The following PCDHGA7 variants were observed in gnomAD, a reference collection of about 807,000 sequenced individuals.
PCDHGA7 encodes protocadherin gamma-A7.
In PCDHGA7, 44 loss-of-function variants were observed where a neutral mutation model predicts 58.3. The ratio of observed to expected loss-of-function variants is 0.75; its 90% CI spans 0.59 to 0.97. The LOEUF (loss-of-function observed/expected upper bound fraction) is 0.97, where lower values mean the gene tolerates loss of function less well. Ranked by LOEUF, PCDHGA7 falls within the 50% of genes least tolerant of loss-of-function variation. PCDHGA7 has a pLI of 0.00. For synonymous variants in PCDHGA7, 516 were observed against 504.2 expected (o/e 1.02, Z -0.31); for missense variants, 1,266 against 1,188.7 (o/e 1.06, Z -0.96).
chr5:141,394,674 C>G lies in PCDHGA7; in HGVS notation c.2424+9351C>G. ...CGAGCCGGGACTCTTCTCGGTGGGT[C>G]TGCACACGGGCGAGGTGCGCACGGC... On this transcript the variant is annotated intron_variant, in intron 1 of 3. Transcript: ENST00000518325. 1 of 1,612,758 alleles carries G rather than the reference C, an allele frequency of 6.2e-7. No individual in the cohort carries two copies. The highest frequency in any genetic ancestry group is 8.5e-7 in the Non-Finnish European group (1 of 1,179,752).
At chr5:141,505,604 G>T (rs772730114) in intron 3 of PCDHGA7, 123 bp downstream of exon 3, 1 of 1,535,418 alleles carries the variant, frequency 6.5e-7, no homozygotes, top group Non-Finnish European at 8.8e-7. Flanking sequence ...CTTTCGGCAG[G>T]TCTGAAAGGA....
chr5:141,444,893 G>T (rs1238224263), intron 1 of PCDHGA7, among the ~76,000 whole-genome samples: 1 of 152,160 alleles, frequency 6.6e-6, no homozygotes, highest in Admixed American at 6.5e-5. Flanking sequence ...TTTTGAATGG[G>T]ATGGCATTGC....
At position 141,487,425 on chromosome 5, in the gene PCDHGA7, G is replaced by A. The variant is rs116499036; in HGVS notation, c.2425-7382G>A. ...CTTCCCCCTTCCAATGGGATCCTCCGAATCCAGCTAGGGTCAGATGACCCT... is the reference window on the plus strand; with the variant it reads ...CTTCCCCCTTCCAATGGGATCCTCCAAATCCAGCTAGGGTCAGATGACCCT... On this transcript the variant is annotated intron_variant, in intron 1 of 3. Coordinates refer to ENST00000518325, the MANE Select transcript of PCDHGA7 (RefSeq NM_018920.4). This position sits in a 1 kb window ranked among gnomAD's most constrained non-coding sequence, Gnocchi z 5.0. The A allele has an allele frequency of 1.1e-5, 17 of 1,613,988 alleles. No individual in the cohort carries two copies. The highest frequency in any genetic ancestry group is 1.6e-4 in the Middle Eastern group (1 of 6,084).
At chr5:141,484,878 G>C (rs2099602522) in intron 1 of PCDHGA7, 1 of 341,888 alleles carries the variant, frequency 2.9e-6, no homozygotes, top group Non-Finnish European at 5.3e-6. Flanking sequence ...TGGAGGATAG[G>C]GTGGGCTTTT....
At chr5:141,447,370 C>A (rs2098536615) in intron 1 of PCDHGA7, among the ~76,000 whole-genome samples, 1 of 151,612 alleles carries the variant, frequency 6.6e-6, no homozygotes, top group African/African-American at 2.4e-5. Context: ...AACTCCTGAC[C>A]CTGGTGATCT....
intron 1 of PCDHGA7, chr5:141,409,051 C>T (rs767003760): frequency 3.7e-6 from 6 of 1,614,032 alleles, no homozygotes; most frequent in Non-Finnish European, 5.1e-6. Context: ...ACTTCCGAAG[C>T]ACTGCCCAGA....
At chr5:141,405,931 C>CT (rs1439525242) in intron 1 of PCDHGA7, among the ~76,000 whole-genome samples, 2 of 152,062 alleles carry the variant, frequency 1.3e-5, no homozygotes, top group Non-Finnish European at 2.9e-5. Context: ...GCTGATATAA[C>CT]TTTCATGTTC....
At chr5:141,433,837 C>CAAAA (rs56191208) in intron 1 of PCDHGA7, among the ~76,000 whole-genome samples, 6 of 111,700 alleles carry the variant, frequency 5.4e-5, no homozygotes, top group African/African-American at 1.9e-4. Flanking sequence ...AACTCTATCT[C>CAAAA]AAAAAAAAAA....
At chr5:141,478,011 G>T (rs1216659966) in intron 1 of PCDHGA7, 1 of 1,614,088 alleles carries the variant, frequency 6.2e-7, no homozygotes, top group Non-Finnish European at 8.5e-7. Flanking sequence ...AGTACTGCCC[G>T]TCCAGTCCAA....
At chr5:141,502,961 A>G (rs886622146) in intron 2 of PCDHGA7, among the ~76,000 whole-genome samples, 3 of 146,786 alleles carry the variant, frequency 2.0e-5, no homozygotes, top group Non-Finnish European at 4.4e-5. Context: ...CTCCTGCCTC[A>G]GCCTCCCAAG....
rs529966095 is a variant in PCDHGA7 at position 141,499,776 on chromosome 5, TC to T, written c.2483+4914del. 3.7e-3 allele frequency among the ~76,000 whole-genome samples: 528 copies of T among 141,410 alleles called. 6 individuals carry two copies. Among genetic ancestry groups the T allele is most frequent in the Non-Finnish European group, 4.2e-3 (282 of 66,550 alleles). The allele number at this position is 141,410 out of a possible 152,430, so 92.8% of individuals were successfully genotyped here. ...ATCTCAGCTCACTGCAGCCTTCGCCTCCCGGGTTCAAGCAATTCTCATGCTT... is the reference window on the plus strand; with the variant it reads ...ATCTCAGCTCACTGCAGCCTTCGCCTCCGGGTTCAAGCAATTCTCATGCTT... On this transcript the variant is annotated intron_variant, in intron 2 of 3. Coordinates refer to ENST00000518325, the MANE Select transcript of PCDHGA7 (RefSeq NM_018920.4).
chr5:141,511,135 G>A lies in PCDHGA7; in HGVS notation c.2761G>A (p.Gly921Ser), dbSNP rs200541479. Residue 921 changes from glycine to serine, a missense_variant, in exon 4 of 4, where the codon GGC becomes AGC. Physicochemically the swap from Gly to Ser is moderately conservative, Grantham distance 56. Coordinates refer to ENST00000518325, the MANE Select transcript of PCDHGA7 (RefSeq NM_018920.4). The stretch of plus-strand genomic sequence containing the variant: ...TGGCAAGGCCCCAGCAGGTGGCAAT[G>A]GCAACAAGAAGAAGTCGGGCAAGAA... ...RDGKAPAGGN[G>S]NKKKSGKKEK... 2.8e-4 allele frequency: 448 copies of A among 1,614,188 alleles called. No homozygotes were observed. Among genetic ancestry groups the A allele is most frequent in the Non-Finnish European group, 3.0e-4 (352 of 1,180,016 alleles).
chr5:141,419,119 C>T lies in PCDHGA7; in HGVS notation c.2424+33796C>T. 2.5e-6 allele frequency: 4 copies of T among 1,613,896 alleles called. No individual in the cohort carries two copies. The South Asian group carries it at 3.3e-5, about 13-fold the overall frequency. Reference sequence around the variant, plus strand: ...GGGAGCAGACCCCAGAGTACAACGTCACCATCGCAGCCACAGACAGGGGCA... The same window carrying T: ...GGGAGCAGACCCCAGAGTACAACGTTACCATCGCAGCCACAGACAGGGGCA... On this transcript the variant is annotated intron_variant, in intron 1 of 3. Coordinates refer to ENST00000518325, the MANE Select transcript of PCDHGA7 (RefSeq NM_018920.4).
At chr5:141,507,786 GTCTAAGCC>G (rs1279265471) in intron 3 of PCDHGA7, among the ~76,000 whole-genome samples, 1 of 152,174 alleles carries the variant, frequency 6.6e-6, no homozygotes, top group Admixed American at 6.5e-5. Flanking sequence ...CCTGACCCTC[GTCTAAGCC>G]TGCGCCCTGG....
intron 3 of PCDHGA7, 85 bp from the exon 4 acceptor site, chr5:141,510,862 C>A: frequency 6.2e-7 from 1 of 1,606,772 alleles, no homozygotes. Context: ...GCTGTATAGG[C>A]ATTCATTAAC....
chr5:141,421,749 C>T, intron 1 of PCDHGA7: 1 of 1,613,918 alleles, frequency 6.2e-7, no homozygotes, highest in Non-Finnish European at 8.5e-7. Flanking sequence ...ACCAGCTCAG[C>T]CCTAATAATT....
intron 3 of PCDHGA7, chr5:141,507,010 G>A (rs371780810): frequency 1.3e-5 from 2 of 152,324 alleles, no homozygotes; most frequent in East Asian, 1.9e-4. Flanking sequence ...TGAGAGAACC[G>A]AGAAGGCACT....
rs376661062 is a variant in PCDHGA7, at chr5:141,432,185, G to T, written c.2424+46862G>T. 6.2e-6 allele frequency: 10 copies of T among 1,613,956 alleles called. No individual in the cohort carries two copies. The highest frequency in any genetic ancestry group is 8.5e-6 in the Non-Finnish European group (10 of 1,180,030). ...AGGAGTTTCCCTCGTCTCTGTGACC[G>T]CCCACGACCCCGACTGTGAAGAGAA... On this transcript the variant is annotated intron_variant, in intron 1 of 3. Coordinates refer to ENST00000518325, the MANE Select transcript of PCDHGA7 (RefSeq NM_018920.4). The surrounding 1 kb of genome is among the most constrained non-coding windows in gnomAD (Gnocchi z 6.0).
intron 1 of PCDHGA7, among the ~76,000 whole-genome samples, chr5:141,463,177 A>G (rs914982793): frequency 2.6e-5 from 4 of 152,250 alleles, no homozygotes; most frequent in Admixed American, 2.6e-4. Context: ...ATGTATGCTC[A>G]GATTATTATT....
Sources: allele counts gnomAD v4.1 joint callset (sites outside exome capture counted in the v4.1 genomes callset), GRCh38; gene constraint gnomAD v4.1.1; non-coding constraint Gnocchi (gnomAD v3.1); transcripts MANE v1.5; gene names NCBI Gene and HGNC (gene_info 2026-07-23, HGNC 2026-07-21).